CDH4: variants seen among roughly 807,000 people sequenced by gnomAD.
CDH4 encodes cadherin-4.
In CDH4, 33 loss-of-function variants were observed where a neutral mutation model predicts 86.0. That is an observed-to-expected ratio of 0.38 (90% CI 0.29 to 0.51). The LOEUF is 0.51. CDH4 is among the 20% of genes least tolerant of loss of function. CDH4 has a pLI of 0.86. For synonymous variants in CDH4, 555 were observed against 549.4 expected (o/e 1.01, Z -0.14); for missense variants, 1,114 against 1,307.4 (o/e 0.85, Z 2.28).
chr20:61,884,132 G>GA (rs1365093589), intron 7 of CDH4, among the ~76,000 whole-genome samples: 4 of 152,198 alleles, frequency 2.6e-5, no homozygotes, highest in African/African-American at 4.8e-5. Context: ...CCTGGCTGTA[G>GA]AGTGAGAGGG....
chr20:61,879,263 A>G lies in CDH4; in HGVS notation c.1050+5363A>G, dbSNP rs1328273886. ...ATTTCTGTCTGGCTTGGCGTATCAG[A>G]GAAGAGCACACATCGGGACCATTTC... On this transcript the variant is annotated intron_variant, in intron 7 of 15. Coordinates refer to ENST00000614565, the MANE Select transcript of CDH4 (RefSeq NM_001794.5). This position sits in a 1 kb window ranked among gnomAD's most constrained non-coding sequence, Gnocchi z 4.1. Among the ~76,000 whole-genome samples, 1 of 152,176 alleles carries G rather than the reference A, an allele frequency of 6.6e-6. No individual in the cohort carries two copies. The highest frequency in any genetic ancestry group is 2.4e-5 in the African/African-American group (1 of 41,462).
chr20:61,464,550 G>T (rs1216494505), intron 2 of CDH4, among the ~76,000 whole-genome samples: 1 of 152,192 alleles, frequency 6.6e-6, no homozygotes, highest in Non-Finnish European at 1.5e-5. Context: ...CGCAGCACTT[G>T]GTCCCTGAGT....
chr20:61,693,762 G>A (rs16985459), intron 2 of CDH4, among the ~76,000 whole-genome samples: 12,289 of 152,062 alleles, frequency 0.081, 581 homozygotes, highest in East Asian at 0.17. Context: ...GCATGGAATC[G>A]AACAATCATG....
At chr20:61,311,846 C>T (rs1199287095) in intron 2 of CDH4, among the ~76,000 whole-genome samples, 5 of 152,246 alleles carry the variant, frequency 3.3e-5, no homozygotes, top group East Asian at 1.9e-4. Flanking sequence ...GTGTGGGACG[C>T]GCCAGGGCGG....
chr20:61,919,980 G>GTGATTGGAAGTGTGGTGTCA (rs2054951635), intron 9 of CDH4, among the ~76,000 whole-genome samples: 38 of 1,912 alleles, frequency 0.02, no homozygotes, highest in Admixed American at 0.041. Flanking sequence ...GCGTGGTATC[G>GTGATTGGAAGTGTGGTGTCA]CGGTGATTGC....
At position 61,810,320 on chromosome 20, in the gene CDH4, T is replaced by TC. The variant is rs949168320; in HGVS notation, c.577-34341dup. 1.2e-4 allele frequency among the ~76,000 whole-genome samples: 18 copies of TC among 151,856 alleles called. No homozygotes were observed. Among genetic ancestry groups the TC allele is most frequent in the South Asian group, 2.1e-4 (1 of 4,800 alleles). ...TCGGGGCGGCTGTGCCAGGCTGTCG[T>TC]CCCCCCCATGAGCCTGCTGTGTGTG... On this transcript the variant is annotated intron_variant, in intron 4 of 15. Coordinates refer to ENST00000614565, the MANE Select transcript of CDH4 (RefSeq NM_001794.5). The surrounding 1 kb of genome is among the most constrained non-coding windows in gnomAD (Gnocchi z 4.3).
At chr20:61,601,122 G>A (rs6061660) in intron 2 of CDH4, among the ~76,000 whole-genome samples, 2,588 of 152,290 alleles carry the variant, frequency 0.017, 84 homozygotes, top group African/African-American at 0.058. Flanking sequence ...GCATGGCACC[G>A]GCATCTGCTC....
intron 2 of CDH4, among the ~76,000 whole-genome samples, chr20:61,372,359 C>T (rs534021731): frequency 3.3e-5 from 5 of 152,344 alleles, no homozygotes; most frequent in South Asian, 2.1e-4. Flanking sequence ...AAGGAAACAG[C>T]GTGCTCACGT....
At position 61,815,099 on chromosome 20, in the gene CDH4, C is replaced by T. The variant is rs77664853; in HGVS notation, c.577-29569C>T. Reference sequence around the variant, plus strand: ...TAGGAAATTCTGCACCCTGAGTTAACTTGGGTTCCCTTTAATATGTTAAGC... The same window carrying T: ...TAGGAAATTCTGCACCCTGAGTTAATTTGGGTTCCCTTTAATATGTTAAGC... On this transcript the variant is annotated intron_variant, in intron 4 of 15. Coordinates refer to ENST00000614565, the MANE Select transcript of CDH4 (RefSeq NM_001794.5). Among the ~76,000 whole-genome samples the T allele has an allele frequency of 3.6e-3, 553 of 152,302 alleles. 3 individuals carry two copies. The highest frequency in any genetic ancestry group is 0.013 in the African/African-American group (527 of 41,560).
chr20:61,258,707 C>G (rs777107862), intron 2 of CDH4, among the ~76,000 whole-genome samples: 20 of 152,356 alleles, frequency 1.3e-4, no homozygotes, highest in Non-Finnish European at 2.4e-4. Context: ...ACAAGGGACA[C>G]GGTCATGTGC....
intron 6 of CDH4, among the ~76,000 whole-genome samples, chr20:61,868,411 G>A (rs1231035342): frequency 6.6e-6 from 1 of 152,158 alleles, no homozygotes; most frequent in Non-Finnish European, 1.5e-5. Context: ...CTTCTAATGG[G>A]GCAGGGGCCA....
chr20:61,805,607 G>C (rs79662204), intron 4 of CDH4, among the ~76,000 whole-genome samples: 11,028 of 152,296 alleles, frequency 0.072, 475 homozygotes, highest in South Asian at 0.16. Flanking sequence ...ACCCACCCCA[G>C]GTCAGAATCA....
At chr20:61,373,073 T>C (rs1255205535) in intron 2 of CDH4, among the ~76,000 whole-genome samples, 1 of 152,278 alleles carries the variant, frequency 6.6e-6, no homozygotes, top group Admixed American at 6.5e-5. Context: ...AGTTGGAGGA[T>C]TTGGCTTCCA....
intron 3 of CDH4, among the ~76,000 whole-genome samples, chr20:61,751,906 A>T (rs1295896589): frequency 6.6e-6 from 1 of 152,256 alleles, no homozygotes; most frequent in African/African-American, 2.4e-5. Context: ...TTTGAGGTGG[A>T]CTGAAAACCT....
chr20:61,376,183 T>C (rs1237532946), intron 2 of CDH4, among the ~76,000 whole-genome samples: 1 of 151,264 alleles, frequency 6.6e-6, no homozygotes, highest in African/African-American at 2.4e-5. Context: ...CTGATGTTGG[T>C]GATTGTGTGG....
At chr20:61,564,848 C>T (rs995529408) in intron 2 of CDH4, among the ~76,000 whole-genome samples, 5 of 152,150 alleles carry the variant, frequency 3.3e-5, no homozygotes, top group Non-Finnish European at 5.9e-5. Flanking sequence ...CCATAGCAGG[C>T]GAGGTCCCCG....
chr20:61,628,923 T>C (rs1201004652), intron 2 of CDH4, among the ~76,000 whole-genome samples: 2 of 152,238 alleles, frequency 1.3e-5, no homozygotes, highest in Non-Finnish European at 2.9e-5. Flanking sequence ...CACTTTCATA[T>C]CTCATCACCA....
chr20:61,574,634 C>T (rs961728521), intron 2 of CDH4, among the ~76,000 whole-genome samples: 5 of 152,174 alleles, frequency 3.3e-5, no homozygotes, highest in East Asian at 1.9e-4. Context: ...ATACTGCGTC[C>T]GGCCACTGAG....
chr20:61,285,240 C>T lies in CDH4; in HGVS notation c.169+30303C>T, dbSNP rs544331006. Among the ~76,000 whole-genome samples, 3 of 152,338 alleles carry T rather than the reference C, an allele frequency of 2.0e-5. No homozygotes were observed. In the South Asian group the frequency reaches 6.2e-4, roughly 32 times the overall value. On this transcript the variant is annotated intron_variant, in intron 2 of 15. Transcript: ENST00000614565. The stretch of plus-strand genomic sequence containing the variant: ...AGGTGGGAAAACAGACCAGAAAGCC[C>T]GTGTGACATCGTCAAGGTTACGAAG...
Sources: gnomAD v4.1 joint callset for allele counts (sites outside exome capture counted in the v4.1 genomes callset) on GRCh38, gnomAD v4.1.1 for gene constraint, Gnocchi (gnomAD v3.1) non-coding constraint, MANE v1.5 for transcripts, NCBI Gene and HGNC (gene_info 2026-07-23, HGNC 2026-07-21) for gene names.